Variants in GPBP1 observed in about 807,000 individuals in gnomAD.
The protein encoded by GPBP1 is GC-rich promoter binding protein 1.
A neutral mutation model predicts 56.5 loss-of-function variants in GPBP1; 13 were observed. The observed-to-expected ratio is 0.23, with a 90% CI of 0.15 to 0.37. The LOEUF (loss-of-function observed/expected upper bound fraction) is 0.37. GPBP1 is among the 10% of genes least tolerant of loss of function. The probability of loss-of-function intolerance (pLI) is 1.00; values close to 1 mark genes in which losing one functional copy is unlikely to be tolerated. For synonymous variants in GPBP1, 204 were observed against 188.9 expected (o/e 1.08, Z -0.66); for missense variants, 477 against 572.3 (o/e 0.83, Z 1.70).
At position 57,208,178 on chromosome 5, in the gene GPBP1, C is replaced by A. The variant is rs115279533; in HGVS notation, c.-57-5896C>A. Among the ~76,000 whole-genome samples the A allele has an allele frequency of 5.6e-3, 859 of 152,288 alleles. 4 individuals are homozygous for A. The highest frequency in any genetic ancestry group is 0.01 in the Admixed American group (153 of 15,282). ...ACTTCTGTATCAGTAGGGTCTTACT[C>A]TTTCTCAGGGGATTGGAGCCCTAGC... On this transcript the variant is annotated intron_variant, in intron 2 of 11. Coordinates refer to ENST00000506184, the MANE Select transcript of GPBP1 (RefSeq NM_022913.4).
At chr5:57,223,927 G>A (rs927867005) in intron 3 of GPBP1, among the ~76,000 whole-genome samples, 10 of 151,666 alleles carry the variant, frequency 6.6e-5, no homozygotes, top group African/African-American at 2.4e-4. Flanking sequence ...TCTGCCTCCT[G>A]GGTTCATGCC....
At chr5:57,185,311 G>C (rs1007093416) in intron 2 of GPBP1, among the ~76,000 whole-genome samples, 1 of 151,220 alleles carries the variant, frequency 6.6e-6, no homozygotes, top group Non-Finnish European at 1.5e-5. Flanking sequence ...GCCCAGGCTG[G>C]GGTGCAATGG....
intron 10 of GPBP1, among the ~76,000 whole-genome samples, chr5:57,257,891 G>GTATATACCTAGT (rs1741734480): frequency 6.6e-6 from 1 of 152,226 alleles, no homozygotes; most frequent in Non-Finnish European, 1.5e-5. Flanking sequence ...TTTTAAGGGT[G>GTATATACCTAGT]TTGAGTGGGA....
At chr5:57,213,981 C>G (rs1755601455) in intron 2 of GPBP1, 93 bp from the exon 3 acceptor site, 1 of 605,828 alleles carries the variant, frequency 1.7e-6, no homozygotes, top group African/African-American at 1.9e-5. Context: ...AAATAGAATC[C>G]TATAGTAGTA....
At chr5:57,230,769 GTGAAGT>G (rs752373379) in intron 3 of GPBP1, 71 bp from the exon 4 acceptor site, 3 of 1,281,896 alleles carry the variant, frequency 2.3e-6, no homozygotes, top group African/African-American at 3.0e-5. Context: ...TTGGAAATAA[GTGAAGT>G]TGGAGTATTA....
chr5:57,215,575 A>G (rs957381306), intron 3 of GPBP1, among the ~76,000 whole-genome samples: 2 of 152,184 alleles, frequency 1.3e-5, no homozygotes, highest in Non-Finnish European at 1.5e-5. Flanking sequence ...TTCTGACCCT[A>G]GTAGGGCTCT....
chr5:57,234,199 T>A (rs1322101016), intron 5 of GPBP1, among the ~76,000 whole-genome samples: 11 of 152,190 alleles, frequency 7.2e-5, no homozygotes, highest in African/African-American at 2.7e-4. Flanking sequence ...TAAAATTGAT[T>A]TTATTTAATA....
chr5:57,241,880 A>G (rs928795423), intron 6 of GPBP1, among the ~76,000 whole-genome samples: 1 of 152,344 alleles, frequency 6.6e-6, no homozygotes, highest in African/African-American at 2.4e-5. Flanking sequence ...GTTTGACTCT[A>G]AGAGCTTAAA....
intron 2 of GPBP1, among the ~76,000 whole-genome samples, chr5:57,186,181 T>C (rs1661331741): frequency 6.6e-6 from 1 of 150,616 alleles, no homozygotes; most frequent in African/African-American, 2.4e-5. Flanking sequence ...AGAATCCTTT[T>C]ACGCTGGAAG....
intron 3 of GPBP1, among the ~76,000 whole-genome samples, chr5:57,226,738 T>C (rs975873608): frequency 3.0e-5 from 2 of 66,038 alleles, no homozygotes; most frequent in African/African-American, 1.1e-4. Context: ...TCTTTTTTTT[T>C]TTTTTTTTTT....
Position 57,221,459 on chromosome 5 carries a change from T to C in GPBP1, c.63+7266T>C, listed in dbSNP as rs898736763. On this transcript the variant is annotated intron_variant, in intron 3 of 11. Coordinates refer to ENST00000506184, the MANE Select transcript of GPBP1 (RefSeq NM_022913.4). ...AAATTTAGATAACTAGCAAATTCCA[T>C]TTGTTATGCTAGGAAGGATGACAAA... is the stretch of plus-strand genomic sequence containing the variant. 5.1e-5 allele frequency: 50 copies of C among 977,376 alleles called. No homozygotes were observed. In the African/African-American group the frequency reaches 7.5e-4, roughly 15 times the overall value. The allele number at this position is 977,376 out of a possible 1,614,324, so 60.5% of individuals were successfully genotyped here.
intron 3 of GPBP1, among the ~76,000 whole-genome samples, chr5:57,220,399 G>T (rs1561349272): frequency 6.6e-6 from 1 of 151,066 alleles, no homozygotes; most frequent in African/African-American, 2.4e-5. Context: ...TGGAACACCA[G>T]TTCTAAATTC....
intron 10 of GPBP1, among the ~76,000 whole-genome samples, chr5:57,260,179 C>G (rs1741828030): frequency 6.6e-6 from 1 of 152,134 alleles, no homozygotes; most frequent in South Asian, 2.1e-4. Context: ...GATGTCTTGT[C>G]TGTGGTATTG....
chr5:57,245,177 C>T (rs532357573), intron 6 of GPBP1, among the ~76,000 whole-genome samples: 4 of 152,048 alleles, frequency 2.6e-5, no homozygotes, highest in East Asian at 1.9e-4. Flanking sequence ...TTTTTTAGAC[C>T]GTCAGGAAGT....
intron 10 of GPBP1, among the ~76,000 whole-genome samples, chr5:57,260,312 C>T (rs1741840148): frequency 6.6e-6 from 1 of 152,158 alleles, no homozygotes; most frequent in Admixed American, 6.5e-5. Flanking sequence ...TTCAGAATCA[C>T]CTCATCTTTT....
At position 57,264,566 on chromosome 5, in the gene GPBP1, T is replaced by C. The variant is rs774290411; in HGVS notation, c.*1814T>C. On this transcript the variant is annotated 3_prime_UTR_variant, in exon 12 of 12. Coordinates refer to ENST00000506184, the MANE Select transcript of GPBP1 (RefSeq NM_022913.4). ...CATCTTTCTTATACTCAGTTTTTTC[T>C]GCCTTAATTCCCATTTACCAGCAGT... 6.6e-6 allele frequency: 1 copy of C among 152,224 alleles called. No homozygotes were observed. Among genetic ancestry groups the C allele is most frequent in the Non-Finnish European group, 1.5e-5 (1 of 68,030 alleles). 9.4% of individuals were successfully genotyped at this position (152,224 alleles called of 1,614,324 possible). A position where few individuals can be genotyped will look rare whatever the true frequency, so the allele number is the denominator to read the frequency against.
intron 2 of GPBP1, among the ~76,000 whole-genome samples, chr5:57,177,907 G>T (rs831647): frequency 3.3e-5 from 5 of 151,656 alleles, no homozygotes; most frequent in African/African-American, 4.8e-5. Flanking sequence ...AATCCTGCTA[G>T]CTCCCATAGA....
chr5:57,251,269 A>T, intron 10 of GPBP1, 128 bp downstream of exon 10: 1 of 765,484 alleles, frequency 1.3e-6, no homozygotes, highest in East Asian at 2.7e-5. Context: ...CCATTATGAT[A>T]TACAGATGGT....
At chr5:57,252,413 C>A (rs1741439714) in intron 10 of GPBP1, among the ~76,000 whole-genome samples, 1 of 152,052 alleles carries the variant, frequency 6.6e-6, no homozygotes, top group Non-Finnish European at 1.5e-5. Context: ...TTTTTCGAGA[C>A]AGTGTCTCAC....
Sources: allele counts gnomAD v4.1 joint callset (sites outside exome capture counted in the v4.1 genomes callset), GRCh38; gene constraint gnomAD v4.1.1; transcripts MANE v1.5; gene names NCBI Gene and HGNC (gene_info 2026-07-23, HGNC 2026-07-21).